The following GRIK3 variants were observed in gnomAD, a reference collection of about 807,000 sequenced individuals.
GRIK3 encodes the protein glutamate ionotropic receptor kainate type subunit 3, also known as glutamate receptor ionotropic, kainate 3.
In GRIK3, 29 loss-of-function variants were observed where a neutral mutation model predicts 102.5. The observed-to-expected ratio is 0.28, with a 90% CI of 0.21 to 0.39. GRIK3 has a LOEUF of 0.39. Among genes scored for constraint, GRIK3 ranks in the 10% least tolerant of loss-of-function variants. GRIK3 has a pLI of 1.00. For missense variants in GRIK3, 908 were observed against 1,252.4 expected (o/e 0.73, Z 4.15); for synonymous variants, 511 against 504.9 (o/e 1.01, Z -0.16).
chr1:36,805,018 T>C lies in GRIK3; in HGVS notation c.2534A>G (p.Tyr845Cys), dbSNP rs776408207. The change falls in exon 15 of 16, where the codon TAC (tyrosine) becomes TGC (cysteine). Residue 845 changes from tyrosine (Y) to cysteine (C), a missense_variant. Tyr to Cys is a radical substitution (Grantham distance 194). This residue lies in a region of GRIK3 where 297 missense variants were observed against 362.7 expected (regional missense o/e 0.82). Coordinates refer to ENST00000373091, the MANE Select transcript of GRIK3 (RefSeq NM_000831.4). ...TCTCTCTGCTGTTTTGCGGAGCTTGTACACAAACTCGCCCACGGCCACCAG... is the reference window on the plus strand; with the variant it reads ...TCTCTCTGCTGTTTTGCGGAGCTTGCACACAAACTCGCCCACGGCCACCAG... ...SVLVAVGEFV[Y>C]KLRKTAEREQ... 1 of 1,614,180 alleles carries C rather than the reference T, an allele frequency of 6.2e-7. No homozygotes were observed. The highest frequency in any genetic ancestry group is 1.1e-5 in the South Asian group (1 of 91,076).
intron 3 of GRIK3, among the ~76,000 whole-genome samples, chr1:36,873,611 G>A (rs1640868307): frequency 6.6e-6 from 1 of 152,002 alleles, no homozygotes; most frequent in South Asian, 2.1e-4. Context: ...TGGTCCTGGT[G>A]ACACAGTTCA....
At chr1:36,992,405 A>C (rs1642372322) in intron 1 of GRIK3, among the ~76,000 whole-genome samples, 1 of 152,150 alleles carries the variant, frequency 6.6e-6, no homozygotes, top group African/African-American at 2.4e-5. Context: ...GCATGGAATG[A>C]CTGGAAGCAG....
At chr1:36,868,557 A>G (rs1243152766) in intron 5 of GRIK3, among the ~76,000 whole-genome samples, 1 of 152,174 alleles carries the variant, frequency 6.6e-6, no homozygotes, top group Admixed American at 6.5e-5. Flanking sequence ...GCATTTGCTC[A>G]CTTCCATTGT....
intron 1 of GRIK3, among the ~76,000 whole-genome samples, chr1:36,935,641 C>T (rs943445839): frequency 1.3e-5 from 2 of 152,032 alleles, no homozygotes; most frequent in African/African-American, 4.8e-5. Flanking sequence ...AATGATCTCA[C>T]TAATGGTAAA....
At chr1:36,828,269 G>A (rs887338133) in intron 10 of GRIK3, among the ~76,000 whole-genome samples, 2 of 152,238 alleles carry the variant, frequency 1.3e-5, no homozygotes, top group South Asian at 2.1e-4. Flanking sequence ...TAATGTTGAC[G>A]TGAGAGAGAT....
At chr1:36,955,786 G>C (rs531760060) in intron 1 of GRIK3, among the ~76,000 whole-genome samples, 2 of 152,370 alleles carry the variant, frequency 1.3e-5, no homozygotes, top group East Asian at 3.9e-4. Context: ...ATTCACGCAA[G>C]TGCTCATGCA....
rs1307250283 is a variant in GRIK3, at chr1:36,841,691, T to C, written c.1530+45A>G. On this transcript the variant is annotated intron_variant, in intron 10 of 15. Transcript: ENST00000373091. Reference sequence around the variant, plus strand: ...GTGGTGCAGACAGTTCTAGGCCAAGTCTCCCCAGGGTCCTGAGCCCTCCCA... The same window carrying C: ...GTGGTGCAGACAGTTCTAGGCCAAGCCTCCCCAGGGTCCTGAGCCCTCCCA... 3 of 1,517,594 alleles carry C rather than the reference T, an allele frequency of 2.0e-6. No homozygotes were observed. In the African/African-American group the frequency reaches 4.1e-5, roughly 21 times the overall value. The allele number at this position is 1,517,594 out of a possible 1,614,324, so 94.0% of individuals were successfully genotyped here.
chr1:36,859,333 C>T, intron 6 of GRIK3, 82 bp from the exon 7 acceptor site: 1 of 1,439,026 alleles, frequency 6.9e-7, no homozygotes, highest in African/African-American at 1.4e-5. Context: ...CTTCTCCTCC[C>T]TTGCCACAGG....
At chr1:36,927,103 A>G (rs921621621) in intron 1 of GRIK3, among the ~76,000 whole-genome samples, 8 of 152,226 alleles carry the variant, frequency 5.3e-5, no homozygotes, top group African/African-American at 1.7e-4. Context: ...GTCAAAGAGC[A>G]TCTGCTTAAT....
At chr1:36,882,437 AG>A (rs1343157138) in intron 2 of GRIK3, among the ~76,000 whole-genome samples, 2 of 152,180 alleles carry the variant, frequency 1.3e-5, no homozygotes, top group Non-Finnish European at 2.9e-5. Flanking sequence ...ATCCATAGAA[AG>A]GGGACCTCTT....
Position 36,995,731 on chromosome 1 carries a change from G to A in GRIK3, c.115+38263C>T, listed in dbSNP as rs542643800. Among the ~76,000 whole-genome samples, 22 of 152,246 alleles carry A rather than the reference G, an allele frequency of 1.4e-4. 1 individual carries two copies. The South Asian group carries it at 4.6e-3, about 32-fold the overall frequency. On this transcript the variant is annotated intron_variant, in intron 1 of 15. Transcript: ENST00000373091. ...TGCAGCCACACTGCCAGAAACAGGG[G>A]CCTGCAGTTTTCCCAGTTCTCTGAG...
At chr1:36,896,714 T>C (rs565948912) in intron 1 of GRIK3, among the ~76,000 whole-genome samples, 18 of 152,222 alleles carry the variant, frequency 1.2e-4, no homozygotes, top group East Asian at 3.9e-4. Context: ...CTAAAAGAGA[T>C]TGTCAAAGTG....
intron 1 of GRIK3, among the ~76,000 whole-genome samples, chr1:37,022,233 G>A (rs1339413508): frequency 6.6e-6 from 1 of 152,218 alleles, no homozygotes; most frequent in Non-Finnish European, 1.5e-5. Context: ...ATGATGGGCA[G>A]CAGAGCAATG....
intron 1 of GRIK3, among the ~76,000 whole-genome samples, chr1:37,014,021 G>T (rs1022555621): frequency 6.6e-6 from 1 of 152,148 alleles, no homozygotes; most frequent in Non-Finnish European, 1.5e-5. Flanking sequence ...GGCCTCATAC[G>T]CTCTGTTCCC....
intron 11 of GRIK3, among the ~76,000 whole-genome samples, chr1:36,823,970 G>A (rs545325441): frequency 7.2e-5 from 11 of 152,298 alleles, no homozygotes; most frequent in African/African-American, 2.6e-4. Context: ...AGAGAGGTGT[G>A]AGTGGTGGTG....
At chr1:36,870,012 T>C (rs1360117505) in intron 4 of GRIK3, among the ~76,000 whole-genome samples, 1 of 152,252 alleles carries the variant, frequency 6.6e-6, no homozygotes, top group African/African-American at 2.4e-5. Context: ...TAAAGTCACC[T>C]GGGACAGATT....
At position 36,805,056 on chromosome 1, in the gene GRIK3, C is replaced by G; in HGVS notation, c.2496G>C (p.Leu832=). Residue 832 remains leucine (L), a synonymous_variant, in exon 15 of 16, where the codon CTG becomes CTC. Transcript: ENST00000373091. ...CCACGGCCACCAGCACAGAGAGGAC[C>G]AGCCCGGCGGCCAGGACAATGAAGA... ...GGIFIVLAAG[L]VLSVLVAVGE... The G allele has an allele frequency of 6.2e-7, 1 of 1,614,230 alleles. No homozygotes were observed. Among genetic ancestry groups the G allele is most frequent in the East Asian group, 2.2e-5 (1 of 44,882 alleles).
intron 1 of GRIK3, among the ~76,000 whole-genome samples, chr1:36,997,389 A>G (rs1340724060): frequency 6.6e-6 from 1 of 152,222 alleles, no homozygotes; most frequent in African/African-American, 2.4e-5. Flanking sequence ...TTATTAGAAA[A>G]CATTTTTAAG....
chr1:36,882,479 C>T (rs1640991630), intron 2 of GRIK3, among the ~76,000 whole-genome samples: 2 of 152,144 alleles, frequency 1.3e-5, no homozygotes, highest in African/African-American at 4.8e-5. Context: ...GGGAGAGCTC[C>T]CCAGAAGCCA....
Sources: gnomAD v4.1 joint callset for allele counts (sites outside exome capture counted in the v4.1 genomes callset) on GRCh38, gnomAD v4.1.1 for gene constraint, gnomAD v4.1.1 regional missense constraint, MANE v1.5 for transcripts, NCBI Gene and HGNC (gene_info 2026-07-23, HGNC 2026-07-21) for gene names.